The following RORA variants were observed in gnomAD, a reference collection of about 807,000 sequenced individuals.
RORA encodes the protein nuclear receptor ROR-alpha.
In RORA, 7 loss-of-function variants were observed where a neutral mutation model predicts 69.5. That is an observed-to-expected ratio of 0.10 (90% CI 0.06 to 0.19). The LOEUF is 0.19. RORA is among the 10% of genes least tolerant of loss of function. RORA has a pLI of 1.00. For missense variants in RORA, 457 were observed against 663.0 expected (o/e 0.69, Z 3.41); for synonymous variants, 261 against 240.8 (o/e 1.08, Z -0.78).
At chr15:60,675,894 G>T (rs180900477) in intron 2 of RORA, among the ~76,000 whole-genome samples, 9 of 152,070 alleles carry the variant, frequency 5.9e-5, no homozygotes, top group Non-Finnish European at 1.0e-4. Context: ...CAATCTCTCC[G>T]TGAGGGCAGT....
intron 1 of RORA, among the ~76,000 whole-genome samples, chr15:60,859,656 T>TC (rs2073418050): frequency 1.8e-5 from 2 of 112,534 alleles, no homozygotes; most frequent in African/African-American, 2.9e-5. Context: ...TCTTTCTTTC[T>TC]TTTTTTTTTT....
intron 2 of RORA, among the ~76,000 whole-genome samples, chr15:60,560,849 A>G (rs990112764): frequency 6.6e-6 from 1 of 152,224 alleles, no homozygotes; most frequent in African/African-American, 2.4e-5. Flanking sequence ...ATTAAAAGTT[A>G]CACCAGCTTA....
rs142344287 is a variant in RORA at position 60,645,585 on chromosome 15, G to A, written c.196+33072C>T. On this transcript the variant is annotated intron_variant, in intron 2 of 10. Coordinates refer to ENST00000335670, the MANE Select transcript of RORA (RefSeq NM_134261.3). ...TTTTGTATTTTTTTGTAAAGACGGGGTTTCACCGTGTTGCCCAGGCTGGTC... is the reference window on the plus strand; with the variant it reads ...TTTTGTATTTTTTTGTAAAGACGGGATTTCACCGTGTTGCCCAGGCTGGTC... Among the ~76,000 whole-genome samples the A allele has an allele frequency of 9.6e-3, 1,459 of 152,128 alleles. 12 individuals are homozygous for A. Among genetic ancestry groups the A allele is most frequent in the Admixed American group, 0.015 (223 of 15,272 alleles).
At chr15:61,175,006 G>A (rs1006719959) in intron 1 of RORA, among the ~76,000 whole-genome samples, 5 of 152,092 alleles carry the variant, frequency 3.3e-5, no homozygotes, top group African/African-American at 1.2e-4. Flanking sequence ...CTATTCTACT[G>A]GTTTTTAAAT....
intron 2 of RORA, among the ~76,000 whole-genome samples, chr15:60,584,100 C>CA (rs1213825565): frequency 6.6e-6 from 1 of 152,216 alleles, no homozygotes; most frequent in Non-Finnish European, 1.5e-5. Context: ...CTGGCTCTGA[C>CA]AGGCTAGAAC....
intron 1 of RORA, among the ~76,000 whole-genome samples, chr15:60,844,818 G>T (rs2073244041): frequency 6.6e-6 from 1 of 152,162 alleles, no homozygotes; most frequent in South Asian, 2.1e-4. Flanking sequence ...TGGCTCCAGG[G>T]CTACACTTGG....
At chr15:61,133,756 A>T (rs181517699) in intron 1 of RORA, among the ~76,000 whole-genome samples, 2 of 152,286 alleles carry the variant, frequency 1.3e-5, no homozygotes, top group East Asian at 3.9e-4. Flanking sequence ...GTGGCATTAT[A>T]CTTAAGGTTT....
At chr15:60,500,087 T>C in intron 9 of RORA, 83 bp from the exon 10 acceptor site, 1 of 802,516 alleles carries the variant, frequency 1.2e-6, no homozygotes, top group Non-Finnish European at 2.0e-6. Flanking sequence ...TTGATACGGA[T>C]AATTATATCA....
Position 60,952,629 on chromosome 15 carries a change from C to A in RORA, c.167-273943G>T, listed in dbSNP as rs1336024250. Among the ~76,000 whole-genome samples, 8 of 152,190 alleles carry A rather than the reference C, an allele frequency of 5.3e-5. No individual in the cohort carries two copies. In the South Asian group the frequency reaches 1.7e-3, roughly 32 times the overall value. On this transcript the variant is annotated intron_variant, in intron 1 of 10. Coordinates refer to ENST00000335670, the MANE Select transcript of RORA (RefSeq NM_134261.3). ...AAAATCACTGTACAAAAATCAGAAGCATTCCTATACACCAATAACAGACAA... is the reference window on the plus strand; with the variant it reads ...AAAATCACTGTACAAAAATCAGAAGAATTCCTATACACCAATAACAGACAA...
At chr15:60,613,925 T>G (rs2140594421) in intron 2 of RORA, among the ~76,000 whole-genome samples, 1 of 150,190 alleles carries the variant, frequency 6.7e-6, no homozygotes, top group South Asian at 2.1e-4. Context: ...ACAACTGATA[T>G]CTCATATGGG....
intron 2 of RORA, among the ~76,000 whole-genome samples, chr15:60,606,101 C>T (rs2068939796): frequency 6.6e-6 from 1 of 152,236 alleles, no homozygotes; most frequent in African/African-American, 2.4e-5. Context: ...ACAAGTTAAG[C>T]TTCACTTTAA....
At chr15:60,981,086 C>A (rs1181988504) in intron 1 of RORA, among the ~76,000 whole-genome samples, 2 of 122,036 alleles carry the variant, frequency 1.6e-5, no homozygotes, top group Non-Finnish European at 3.3e-5. Context: ...ATACAAAATT[C>A]TTGGTTTACA....
At chr15:60,909,561 G>C (rs1891641676) in intron 1 of RORA, among the ~76,000 whole-genome samples, 1 of 152,106 alleles carries the variant, frequency 6.6e-6, no homozygotes, top group Non-Finnish European at 1.5e-5. Context: ...ATAGAAAATA[G>C]AGTCACAAGT....
At chr15:60,817,611 T>C (rs895503018) in intron 1 of RORA, among the ~76,000 whole-genome samples, 5 of 152,160 alleles carry the variant, frequency 3.3e-5, no homozygotes, top group Non-Finnish European at 7.4e-5. Flanking sequence ...AGGTCCAATC[T>C]CTCCTTGGCG....
intron 1 of RORA, among the ~76,000 whole-genome samples, chr15:61,164,152 A>G (rs1435024944): frequency 6.6e-6 from 1 of 152,198 alleles, no homozygotes; most frequent in Non-Finnish European, 1.5e-5. Context: ...TCAAAAAAAA[A>G]AAAACATGTG....
chr15:61,008,882 C>T (rs1895001849), intron 1 of RORA, among the ~76,000 whole-genome samples: 1 of 152,064 alleles, frequency 6.6e-6, no homozygotes, highest in African/African-American at 2.4e-5. Flanking sequence ...CTGACTCTGA[C>T]CAAGGGCAAC....
intron 1 of RORA, among the ~76,000 whole-genome samples, chr15:60,958,614 C>G (rs1893334774): frequency 6.6e-6 from 1 of 152,078 alleles, no homozygotes; most frequent in Non-Finnish European, 1.5e-5. Flanking sequence ...AATTAAGTAT[C>G]TTATTCAAGG....
At chr15:61,032,392 T>C (rs1195477580) in intron 1 of RORA, among the ~76,000 whole-genome samples, 1 of 152,194 alleles carries the variant, frequency 6.6e-6, no homozygotes, top group Non-Finnish European at 1.5e-5. Flanking sequence ...TCATATGAAA[T>C]TTGGCTAAAC....
intron 1 of RORA, among the ~76,000 whole-genome samples, chr15:60,855,595 T>C (rs1364209285): frequency 1.3e-5 from 2 of 151,282 alleles, no homozygotes; most frequent in Non-Finnish European, 3.0e-5. Context: ...TTATTTATTC[T>C]CTTGCAGTGT....
Sources: allele counts gnomAD v4.1 joint callset (sites outside exome capture counted in the v4.1 genomes callset), GRCh38; gene constraint gnomAD v4.1.1; transcripts MANE v1.5; gene names NCBI Gene and HGNC (gene_info 2026-07-23, HGNC 2026-07-21).